The following PDE1C variants were observed in gnomAD, a reference collection of about 807,000 sequenced individuals.
PDE1C encodes phosphodiesterase 1C.
Under a neutral mutation model 93.1 loss-of-function variants are expected in PDE1C, and 62 were observed. The ratio of observed to expected loss-of-function variants is 0.67; its 90% CI spans 0.54 to 0.82. The LOEUF is 0.82. Among genes scored for constraint, PDE1C ranks in the 40% least tolerant of loss-of-function variants. The pLI is 0.00. For missense variants in PDE1C, 742 were observed against 884.6 expected (o/e 0.84, Z 2.04); for synonymous variants, 325 against 310.1 (o/e 1.05, Z -0.50).
chr7:32,003,877 G>C (rs1785803215), intron 2 of PDE1C, among the ~76,000 whole-genome samples: 1 of 151,072 alleles, frequency 6.6e-6, no homozygotes, highest in Admixed American at 6.6e-5. Flanking sequence ...GAGTTAGTGA[G>C]AGTAGACAAA....
At chr7:32,269,009 G>T (rs1233967735) in intron 1 of PDE1C, among the ~76,000 whole-genome samples, 1 of 152,180 alleles carries the variant, frequency 6.6e-6, no homozygotes, top group African/African-American at 2.4e-5. Flanking sequence ...CCTGAAAGAG[G>T]CAGTGAGCTA....
At chr7:31,775,850 G>T in intron 16 of PDE1C, 118 bp from the exon 17 acceptor site, 2 of 805,798 alleles carry the variant, frequency 2.5e-6, no homozygotes, top group Non-Finnish European at 4.2e-6. Context: ...TTAGAAGCAG[G>T]TTAGGTGAGG....
At chr7:31,669,246 CTCTT>C in the PDE1C span, among the ~76,000 whole-genome samples, 1 of 152,046 alleles carries the variant, frequency 6.6e-6, no homozygotes. Flanking sequence ...TTTTTTTCTT[CTCTT>C]TTTTCTTTTT....
intron 1 of PDE1C, among the ~76,000 whole-genome samples, chr7:32,403,938 A>G (rs186323885): frequency 6.6e-6 from 1 of 152,212 alleles, no homozygotes; most frequent in East Asian, 1.9e-4. Flanking sequence ...GACACAGGAA[A>G]TCACAATAAT....
intron 3 of PDE1C, among the ~76,000 whole-genome samples, chr7:32,138,291 G>A (rs1201660437): frequency 6.6e-6 from 1 of 152,046 alleles, no homozygotes; most frequent in Non-Finnish European, 1.5e-5. Flanking sequence ...TGTCTAAAAA[G>A]TTGGGATAAT....
At chr7:31,633,744 G>A in the PDE1C span, among the ~76,000 whole-genome samples, 1 of 152,200 alleles carries the variant, frequency 6.6e-6, no homozygotes, top group Non-Finnish European at 1.5e-5. Context: ...TGTACCATTG[G>A]AGGACAGAAG....
chr7:32,370,051 A>G (rs1784302156), intron 1 of PDE1C, among the ~76,000 whole-genome samples: 1 of 152,232 alleles, frequency 6.6e-6, no homozygotes, highest in Non-Finnish European at 1.5e-5. Context: ...TTGTGGCATT[A>G]TTCACAGTAG....
chr7:31,803,191 T>C (rs1452081494), intron 16 of PDE1C, among the ~76,000 whole-genome samples: 1 of 151,818 alleles, frequency 6.6e-6, no homozygotes, highest in Non-Finnish European at 1.5e-5. Flanking sequence ...CTAATGTTAT[T>C]CTGTCAATAC....
intron 11 of PDE1C, among the ~76,000 whole-genome samples, chr7:31,836,431 T>C (rs1264188023): frequency 6.6e-6 from 1 of 151,916 alleles, no homozygotes; most frequent in African/African-American, 2.4e-5. Flanking sequence ...ATCTCCTGGG[T>C]TCAAGCGATT....
At chr7:31,730,876 T>C in the PDE1C span, among the ~76,000 whole-genome samples, 1 of 151,538 alleles carries the variant, frequency 6.6e-6, no homozygotes, top group Non-Finnish European at 1.5e-5. Context: ...GTTTGAAGGA[T>C]GAACAAAAGA....
rs17160591 is a variant in PDE1C at position 31,828,450 on chromosome 7, G to A, written c.1204-77C>T. The A allele has an allele frequency of 0.067, 59,791 of 892,076 alleles. 2,736 individuals carry two copies. Among genetic ancestry groups the A allele is most frequent in the African/African-American group, 0.18 (10,876 of 60,816 alleles). 55.3% of individuals were successfully genotyped at this position (892,076 alleles called of 1,614,324 possible). A position where few individuals can be genotyped will look rare whatever the true frequency, so the allele number is the denominator to read the frequency against. On this transcript the variant is annotated intron_variant, in intron 11 of 17. Transcript: ENST00000396191. ...CAGATTTCATTTAGCAACTTCTGCC[G>A]CCACGGAGGCCACTGGTCTTTATTT...
intron 2 of PDE1C, among the ~76,000 whole-genome samples, chr7:31,966,376 T>C (rs1389557721): frequency 6.6e-6 from 1 of 152,126 alleles, no homozygotes; most frequent in East Asian, 1.9e-4. Flanking sequence ...CATTACATAA[T>C]GGTAAAGGGA....
At position 32,138,059 on chromosome 7, in the gene PDE1C, A is replaced by T. The variant is rs1479254589; in HGVS notation, c.308+31726T>A. Reference sequence around the variant, plus strand: ...CATTTGTCAGTTATCTCTGGCAAAGAGGTAAAATACAATGGTGTAGTAGAA... The same window carrying T: ...CATTTGTCAGTTATCTCTGGCAAAGTGGTAAAATACAATGGTGTAGTAGAA... On this transcript the variant is annotated intron_variant, in intron 3 of 18. Transcript: ENST00000396193. Among the ~76,000 whole-genome samples the T allele has an allele frequency of 5.9e-5, 9 of 152,330 alleles. No individual in the cohort carries two copies. In the South Asian group the frequency reaches 1.4e-3, roughly 25 times the overall value.
At chr7:31,952,517 T>C (rs1035440404) in intron 2 of PDE1C, among the ~76,000 whole-genome samples, 2 of 152,206 alleles carry the variant, frequency 1.3e-5, no homozygotes, top group Admixed American at 1.3e-4. Flanking sequence ...CCCAAAGTAC[T>C]GGTATTACAG....
chr7:31,957,736 ATTTC>A (rs765347962), intron 2 of PDE1C, among the ~76,000 whole-genome samples: 31 of 152,128 alleles, frequency 2.0e-4, no homozygotes, highest in Non-Finnish European at 3.8e-4. Flanking sequence ...TTTCTCAGCA[ATTTC>A]TTTCCAGATG....
At chr7:31,750,267 G>A (rs1794093839), downstream of PDE1C, among the ~76,000 whole-genome samples, 1 of 148,596 alleles carries the variant, frequency 6.7e-6, no homozygotes, top group Non-Finnish European at 1.5e-5. Context: ...GAGGGCAAGA[G>A]ACGGCCACAG....
intron 3 of PDE1C, among the ~76,000 whole-genome samples, chr7:32,099,267 T>A (rs544567039): frequency 6.6e-6 from 1 of 152,332 alleles, no homozygotes; most frequent in Admixed American, 6.5e-5. Context: ...CACAGATTAT[T>A]TGCTTTCAAT....
chr7:31,734,946 A>G, the PDE1C span, among the ~76,000 whole-genome samples: 4 of 152,172 alleles, frequency 2.6e-5, no homozygotes, highest in Non-Finnish European at 5.9e-5. Context: ...GACCTCTGCA[A>G]ATTGAAGCCT....
chr7:31,855,647 T>C (rs530730950), intron 7 of PDE1C, among the ~76,000 whole-genome samples: 4 of 150,332 alleles, frequency 2.7e-5, no homozygotes, highest in Non-Finnish European at 5.9e-5. Flanking sequence ...TATGTATTAA[T>C]ATGTTAATAA....
Sources: allele counts gnomAD v4.1 joint callset (sites outside exome capture counted in the v4.1 genomes callset), GRCh38; gene constraint gnomAD v4.1.1; transcripts MANE v1.5; gene names NCBI Gene and HGNC (gene_info 2026-07-23, HGNC 2026-07-21).